CNTN4: variants seen among roughly 807,000 people sequenced by gnomAD.
The protein encoded by CNTN4 is contactin 4.
CNTN4 carries 77 observed loss-of-function variants against 122.5 expected under a neutral mutation model. The ratio of observed to expected loss-of-function variants is 0.63; its 90% CI spans 0.52 to 0.76. The LOEUF is 0.76. Among genes scored for constraint, CNTN4 ranks in the 30% least tolerant of loss-of-function variants. The probability of loss-of-function intolerance (pLI) is 0.00; values close to 1 mark genes in which losing one functional copy is unlikely to be tolerated. For missense variants in CNTN4, 1,256 were observed against 1,259.1 expected (o/e 1.00, Z 0.04); for synonymous variants, 512 against 447.0 (o/e 1.15, Z -1.83).
intron 4 of CNTN4, among the ~76,000 whole-genome samples, chr3:2,712,939 C>G (rs1002890201): frequency 2.6e-5 from 4 of 152,226 alleles, no homozygotes; most frequent in Admixed American, 6.5e-5. Flanking sequence ...CTCCACGCCC[C>G]TTCCCCAATA....
chr3:2,972,062 T>C (rs1692980066), intron 13 of CNTN4, among the ~76,000 whole-genome samples: 1 of 152,190 alleles, frequency 6.6e-6, no homozygotes, highest in African/African-American at 2.4e-5. Context: ...ACAGCTCTAA[T>C]TTATGGCATA....
chr3:2,744,427 G>A (rs1292349708), intron 5 of CNTN4, among the ~76,000 whole-genome samples: 1 of 152,176 alleles, frequency 6.6e-6, no homozygotes, highest in African/African-American at 2.4e-5. Context: ...AGGAGATAAG[G>A]TTAATGGCTC....
chr3:2,106,451 T>C (rs527959628), intron 2 of CNTN4, among the ~76,000 whole-genome samples: 4 of 152,354 alleles, frequency 2.6e-5, no homozygotes, highest in African/African-American at 9.6e-5. Context: ...TTCATTTTTG[T>C]CTTCTGCACA....
chr3:2,413,004 C>G (rs1323811632), intron 3 of CNTN4, among the ~76,000 whole-genome samples: 1 of 152,130 alleles, frequency 6.6e-6, no homozygotes, highest in African/African-American at 2.4e-5. Context: ...GTTATTGTTC[C>G]AAGTATGTAC....
At chr3:2,450,569 T>G (rs1286965066) in intron 3 of CNTN4, among the ~76,000 whole-genome samples, 1 of 152,088 alleles carries the variant, frequency 6.6e-6, no homozygotes, top group Non-Finnish European at 1.5e-5. Flanking sequence ...TGGGATTCCT[T>G]GGAGGTGTAA....
At chr3:2,453,576 T>C (rs998341111) in intron 3 of CNTN4, among the ~76,000 whole-genome samples, 1 of 152,176 alleles carries the variant, frequency 6.6e-6, no homozygotes, top group South Asian at 2.1e-4. Context: ...TTCATGATCA[T>C]GTAGCTTTTC....
chr3:2,389,977 C>G (rs1414849507), intron 3 of CNTN4, among the ~76,000 whole-genome samples: 2 of 152,098 alleles, frequency 1.3e-5, no homozygotes, highest in African/African-American at 2.4e-5. Context: ...AGGGACATGT[C>G]AAGTGTATAT....
At chr3:2,579,587 GCTAT>G (rs777170523) in intron 4 of CNTN4, among the ~76,000 whole-genome samples, 3 of 151,750 alleles carry the variant, frequency 2.0e-5, no homozygotes, top group African/African-American at 7.3e-5. Flanking sequence ...ACTTCTTTAG[GCTAT>G]CTGTGAGGAT....
chr3:2,232,945 C>T (rs1190055502), intron 2 of CNTN4, among the ~76,000 whole-genome samples: 5 of 152,124 alleles, frequency 3.3e-5, no homozygotes, highest in African/African-American at 9.7e-5. Context: ...CCCAGGAAGA[C>T]AGATTCTACT....
At chr3:2,933,102 G>A (rs1450627664) in intron 13 of CNTN4, among the ~76,000 whole-genome samples, 1 of 152,110 alleles carries the variant, frequency 6.6e-6, no homozygotes. Flanking sequence ...GATTACAGGT[G>A]TGAGCCACCG....
intron 6 of CNTN4, among the ~76,000 whole-genome samples, chr3:2,813,556 C>A (rs2092662002): frequency 6.6e-6 from 1 of 152,066 alleles, no homozygotes; most frequent in South Asian, 2.1e-4. Context: ...CCTTTCCTGG[C>A]CATTTTAAAA....
chr3:2,586,316 G>T (rs1476896724), intron 4 of CNTN4, among the ~76,000 whole-genome samples: 7 of 152,280 alleles, frequency 4.6e-5, no homozygotes, highest in South Asian at 4.1e-4. Context: ...TTTTGAGACG[G>T]AGTCTTGCTC....
At chr3:2,275,370 C>T (rs13066854) in intron 2 of CNTN4, among the ~76,000 whole-genome samples, 80,029 of 151,924 alleles carry the variant, frequency 0.53, 21,732 homozygotes, top group South Asian at 0.65. Flanking sequence ...CATTAGACAT[C>T]CTCATAACTA....
At chr3:2,404,422 A>T (rs2046960480) in intron 3 of CNTN4, among the ~76,000 whole-genome samples, 1 of 152,088 alleles carries the variant, frequency 6.6e-6, no homozygotes, top group Non-Finnish European at 1.5e-5. Flanking sequence ...GGTCATTCTC[A>T]GCTCCTAGCA....
intron 2 of CNTN4, among the ~76,000 whole-genome samples, chr3:2,260,293 C>T (rs1323301457): frequency 6.6e-6 from 1 of 152,060 alleles, no homozygotes; most frequent in Non-Finnish European, 1.5e-5. Context: ...TGGCCTCTAC[C>T]CTGTAGCACC....
chr3:2,318,095 C>G (rs950393195), intron 2 of CNTN4, among the ~76,000 whole-genome samples: 1 of 151,976 alleles, frequency 6.6e-6, no homozygotes, highest in African/African-American at 2.4e-5. Context: ...GCCTGTAGTT[C>G]CAGCTACTTG....
At chr3:2,558,661 C>T (rs1172144538) in intron 3 of CNTN4, among the ~76,000 whole-genome samples, 1 of 152,098 alleles carries the variant, frequency 6.6e-6, no homozygotes, top group Non-Finnish European at 1.5e-5. Flanking sequence ...TGTTTTCCCA[C>T]ATTAGCTTTA....
In CNTN4 at chr3:2,385,685, A is replaced by G. The variant is rs901427407; in HGVS notation, c.-89+46452A>G. On this transcript the variant is annotated intron_variant, in intron 3 of 24. Coordinates refer to ENST00000418658, the MANE Select transcript of CNTN4 (RefSeq NM_175607.3). This position sits in a 1 kb window ranked among gnomAD's most constrained non-coding sequence, Gnocchi z 4.0. ...CTCATCTCTCATCCTCCATCTTCACATGCTGCATTCCCTGTATGCCTGTGT... is the reference window on the plus strand; with the variant it reads ...CTCATCTCTCATCCTCCATCTTCACGTGCTGCATTCCCTGTATGCCTGTGT... 1.3e-5 allele frequency among the ~76,000 whole-genome samples: 2 copies of G among 152,026 alleles called. No homozygotes were observed. Among genetic ancestry groups the G allele is most frequent in the Non-Finnish European group, 1.5e-5 (1 of 68,022 alleles).
At chr3:2,166,876 A>G (rs2036215981) in intron 2 of CNTN4, among the ~76,000 whole-genome samples, 2 of 152,286 alleles carry the variant, frequency 1.3e-5, no homozygotes, top group Admixed American at 6.5e-5. Flanking sequence ...CTTAATGGCT[A>G]GAGAATGCAA....
Sources: allele counts gnomAD v4.1 joint callset (sites outside exome capture counted in the v4.1 genomes callset), GRCh38; gene constraint gnomAD v4.1.1; non-coding constraint Gnocchi (gnomAD v3.1); transcripts MANE v1.5; gene names NCBI Gene and HGNC (gene_info 2026-07-23, HGNC 2026-07-21).